MFSD6: variants seen among roughly 807,000 people sequenced by gnomAD.
MFSD6 encodes major facilitator superfamily domain-containing protein 6.
Under a neutral mutation model 56.3 loss-of-function variants are expected in MFSD6, and 26 were observed. The observed-to-expected ratio is 0.46, with a 90% CI of 0.34 to 0.64. The LOEUF (loss-of-function observed/expected upper bound fraction) is 0.64, where lower values mean the gene tolerates loss of function less well. Among genes scored for constraint, MFSD6 ranks in the 30% least tolerant of loss-of-function variants. The pLI is 0.01. For missense variants in MFSD6, 750 were observed against 986.2 expected, an observed-to-expected ratio of 0.76 and a Z score of 3.21; for synonymous variants, 331 against 366.9, an observed-to-expected ratio of 0.90 and a Z score of 1.12.
At chr2:190,474,604 C>T in intron 4 of MFSD6, among the ~76,000 whole-genome samples, 1 of 152,080 alleles carries the variant, frequency 6.6e-6, no homozygotes, top group Non-Finnish European at 1.5e-5. Flanking sequence ...AGTCCAGGAC[C>T]AGATGGATTC....
rs572388629 is a variant in MFSD6 at position 190,477,696 on chromosome 2, C to G, written c.1630+7841C>G. 5.3e-5 allele frequency among the ~76,000 whole-genome samples: 8 copies of G among 152,286 alleles called. No homozygotes were observed. The South Asian group carries it at 1.7e-3, about 32-fold the overall frequency. On this transcript the variant is annotated intron_variant, in intron 4 of 7. Transcript: ENST00000392328. ...CATATATTAACTCAGGCCACAAGGT[C>G]TCACCAACTGTTCTGGAAGCCAGAT...
At chr2:190,429,282 C>A (rs1436277608) in intron 2 of MFSD6, among the ~76,000 whole-genome samples, 1 of 150,394 alleles carries the variant, frequency 6.6e-6, no homozygotes, top group Non-Finnish European at 1.5e-5. Context: ...TTCTCTCACT[C>A]TTTGACTTGC....
rs1235905055 is a variant in MFSD6, at chr2:190,463,509, G to A, written c.1533-6249G>A. Among the ~76,000 whole-genome samples, 2 of 152,174 alleles carry A rather than the reference G, an allele frequency of 1.3e-5. No homozygotes were observed. The highest frequency in any genetic ancestry group is 1.5e-5 in the Non-Finnish European group (1 of 68,040). On this transcript the variant is annotated intron_variant, in intron 3 of 7. Transcript: ENST00000392328. This position sits in a 1 kb window ranked among gnomAD's most constrained non-coding sequence, Gnocchi z 4.4. ...AAAAAAAAATTTTTTTTAGGGACAA[G>A]TTTATATAGACCATAAAAGGATAAT... is the stretch of plus-strand genomic sequence containing the variant.
At chr2:190,414,202 G>A (rs1690684893) in intron 1 of MFSD6, among the ~76,000 whole-genome samples, 1 of 152,076 alleles carries the variant, frequency 6.6e-6, no homozygotes, top group Non-Finnish European at 1.5e-5. Flanking sequence ...GGGTTGGTAG[G>A]TGCTGCAAAC....
Position 190,497,019 on chromosome 2 carries a change from G to A in MFSD6, c.1892-420G>A, listed in dbSNP as rs1157615861. Among the ~76,000 whole-genome samples, 2 of 152,082 alleles carry A rather than the reference G, an allele frequency of 1.3e-5. No individual in the cohort carries two copies. The highest frequency in any genetic ancestry group is 2.1e-4 in the South Asian group (1 of 4,828). ...CACAAATCACCATTAGAGAACTTACGTAACCAAATACCACCTGTTCCCCAA... is the reference window on the plus strand; with the variant it reads ...CACAAATCACCATTAGAGAACTTACATAACCAAATACCACCTGTTCCCCAA... On this transcript the variant is annotated intron_variant, in intron 6 of 7. Transcript: ENST00000392328. The surrounding 1 kb of genome is among the most constrained non-coding windows in gnomAD (Gnocchi z 5.2).
intron 2 of MFSD6, 108 bp from the exon 3 acceptor site, chr2:190,435,868 TG>T: frequency 1.1e-6 from 1 of 947,924 alleles, no homozygotes; most frequent in African/African-American, 1.6e-5. Context: ...AATTCTCTCT[TG>T]CAATTATTAT....
rs1159553735 is a variant in MFSD6 at position 190,437,989 on chromosome 2, C to A, written c.1532+428C>A. On this transcript the variant is annotated intron_variant, in intron 3 of 7. Coordinates refer to ENST00000392328, the MANE Select transcript of MFSD6 (RefSeq NM_017694.4). The surrounding 1 kb of genome is among the most constrained non-coding windows in gnomAD (Gnocchi z 5.9). ...GCCTTTATTCTCAGCCACTTGCTGA[C>A]ATAGATAGAGCCTGAATATATGGCA... is the stretch of plus-strand genomic sequence containing the variant. Among the ~76,000 whole-genome samples the A allele has an allele frequency of 6.6e-6, 1 of 151,772 alleles. No individual in the cohort carries two copies. The highest frequency in any genetic ancestry group is 1.5e-5 in the Non-Finnish European group (1 of 68,014).
Position 190,451,368 on chromosome 2 carries a change from T to C in MFSD6, c.1532+13807T>C, listed in dbSNP as rs571115134. On this transcript the variant is annotated intron_variant, in intron 3 of 7. Coordinates refer to ENST00000392328, the MANE Select transcript of MFSD6 (RefSeq NM_017694.4). The surrounding 1 kb of genome is among the most constrained non-coding windows in gnomAD (Gnocchi z 5.0). ...ATAATAAGTCCTCAACTATGAACAG[T>C]AGGTAGTATTGTTACTAATTCATTC... Among the ~76,000 whole-genome samples, 532 of 152,228 alleles carry C rather than the reference T, an allele frequency of 3.5e-3. 1 individual carries two copies. The highest frequency in any genetic ancestry group is 6.3e-3 in the Non-Finnish European group (427 of 68,020).
At chr2:190,419,922 T>C (rs1398844876) in intron 2 of MFSD6, among the ~76,000 whole-genome samples, 1 of 152,220 alleles carries the variant, frequency 6.6e-6, no homozygotes, top group Non-Finnish European at 1.5e-5. Context: ...AGACTTCTGC[T>C]TTCCTAAAAA....
chr2:190,488,687 G>A lies in MFSD6; in HGVS notation c.1661G>A (p.Cys554Tyr). The A allele has an allele frequency of 1.3e-6, 2 of 1,592,602 alleles. No homozygotes were observed. Among genetic ancestry groups the A allele is most frequent in the South Asian group, 1.1e-5 (1 of 87,018 alleles). ...ACACACGCGGCCATCTGGGCAGCAT[G>A]CATTTCTTACCTCAGTGCAGCCGTT... is the stretch of plus-strand genomic sequence containing the variant. Reference protein sequence around the residue: ...GVTHAAIWAACISYLSAAVPP... With the variant: ...GVTHAAIWAAYISYLSAAVPP... Residue 554 changes from cysteine (C) to tyrosine (Y), a missense_variant, in exon 5 of 8, where the codon TGC (cysteine) becomes TAC (tyrosine). Transcript: ENST00000392328. This position sits in a 1 kb window ranked among gnomAD's most constrained non-coding sequence, Gnocchi z 6.4.
Position 190,499,634 on chromosome 2 carries a change from T to C in MFSD6, c.2173-381T>C, listed in dbSNP as rs1689918917. Among the ~76,000 whole-genome samples the C allele has an allele frequency of 6.6e-6, 1 of 152,384 alleles. No homozygotes were observed. ...AGTGTCTTCTGGCTCTTGGATTCTG[T>C]GGTCTTAGCAAGCGGCCTGAGTTTC... On this transcript the variant is annotated intron_variant, in intron 7 of 7. Transcript: ENST00000392328. This position sits in a 1 kb window ranked among gnomAD's most constrained non-coding sequence, Gnocchi z 6.0.
At position 190,417,998 on chromosome 2, in the gene MFSD6, G is replaced by GTGTA. The variant is rs1553516519; in HGVS notation, c.-54+2589_-54+2592dup. Among the ~76,000 whole-genome samples, 17 of 150,010 alleles carry GTGTA rather than the reference G, an allele frequency of 1.1e-4. No homozygotes were observed. The highest frequency in any genetic ancestry group is 3.7e-4 in the African/African-American group (15 of 40,584). On this transcript the variant is annotated intron_variant, in intron 2 of 7. Coordinates refer to ENST00000392328, the MANE Select transcript of MFSD6 (RefSeq NM_017694.4). The surrounding 1 kb of genome is among the most constrained non-coding windows in gnomAD (Gnocchi z 5.7). ...TGTGTGTGTGTGTGTGTGTGTGTGTGTGTATGTGAGAGAGAGAGAGATGTG... is the reference window on the plus strand; with the variant it reads ...TGTGTGTGTGTGTGTGTGTGTGTGTGTGTATGTATGTGAGAGAGAGAGAGATGTG...
intron 3 of MFSD6, among the ~76,000 whole-genome samples, chr2:190,450,497 T>TTG (rs1377482323): frequency 1.4e-5 from 2 of 138,400 alleles, no homozygotes; most frequent in Non-Finnish European, 3.1e-5. Context: ...CCTTTTTTTT[T>TTG]TTTTTTTTTT....
chr2:190,464,522 T>A (rs1687496501), intron 3 of MFSD6, among the ~76,000 whole-genome samples: 1 of 152,182 alleles, frequency 6.6e-6, no homozygotes, highest in Non-Finnish European at 1.5e-5. Context: ...TAGACTGTAA[T>A]CCTTCTTGTG....
At chr2:190,409,420 T>C (rs1174589604) in intron 1 of MFSD6, among the ~76,000 whole-genome samples, 2 of 152,084 alleles carry the variant, frequency 1.3e-5, no homozygotes, top group African/African-American at 4.8e-5. Context: ...ATACCTTGCT[T>C]ATTAGTGTGC....
intron 3 of MFSD6, among the ~76,000 whole-genome samples, chr2:190,464,199 A>G (rs1341082201): frequency 6.6e-6 from 1 of 152,222 alleles, no homozygotes; most frequent in Non-Finnish European, 1.5e-5. Flanking sequence ...TGTCAGTCTA[A>G]CGGCAAATAC....
chr2:190,408,271 G>A (rs1690384269), upstream of MFSD6: 1 of 151,828 alleles, frequency 6.6e-6, no homozygotes, highest in South Asian at 2.0e-4. Context: ...GCGCCGGCGG[G>A]AGCGCTGGGC....
chr2:190,446,940 C>A (rs901318003), intron 3 of MFSD6, among the ~76,000 whole-genome samples: 1 of 152,200 alleles, frequency 6.6e-6, no homozygotes, highest in East Asian at 1.9e-4. Context: ...GTGCACTGCT[C>A]TGAAAATATG....
Position 190,460,654 on chromosome 2 carries a change from A to G in MFSD6, c.1533-9104A>G, listed in dbSNP as rs750325640. Among the ~76,000 whole-genome samples the G allele has an allele frequency of 3.3e-5, 5 of 152,230 alleles. 1 individual carries two copies. Among genetic ancestry groups the G allele is most frequent in the Non-Finnish European group, 7.3e-5 (5 of 68,042 alleles). On this transcript the variant is annotated intron_variant, in intron 3 of 7. Transcript: ENST00000392328. Reference sequence around the variant, plus strand: ...TTGTAGGTGCACTGTTACAACCAAGATAAGTGTTGTGAGGAGAGGCACGTG... The same window carrying G: ...TTGTAGGTGCACTGTTACAACCAAGGTAAGTGTTGTGAGGAGAGGCACGTG...
Sources: gnomAD v4.1 joint callset for allele counts (sites outside exome capture counted in the v4.1 genomes callset) on GRCh38, gnomAD v4.1.1 for gene constraint, Gnocchi (gnomAD v3.1) non-coding constraint, MANE v1.5 for transcripts, NCBI Gene and HGNC (gene_info 2026-07-23, HGNC 2026-07-21) for gene names.